Variants in TNS3 observed in about 807,000 individuals in gnomAD.
TNS3 encodes the protein tensin 3.
TNS3 carries 45 observed loss-of-function variants against 140.9 expected under a neutral mutation model. That is an observed-to-expected ratio of 0.32 (90% CI 0.25 to 0.41). TNS3 has a LOEUF of 0.41. Ranked by LOEUF, TNS3 falls within the 10% of genes least tolerant of loss-of-function variation. TNS3 has a pLI of 1.00. For missense variants in TNS3, 1,716 were observed against 1,906.7 expected (o/e 0.90, Z 1.86); for synonymous variants, 815 against 788.4 (o/e 1.03, Z -0.56).
chr7:47,284,438 C>T (rs772276991), intron 27 of TNS3, among the ~76,000 whole-genome samples: 1 of 152,200 alleles, frequency 6.6e-6, no homozygotes, highest in African/African-American at 2.4e-5. Context: ...CCCCATGCTG[C>T]CAAGGGAGAG....
intron 20 of TNS3, among the ~76,000 whole-genome samples, chr7:47,311,399 AGTGTGTGT>A (rs10617598): frequency 0.055 from 8,078 of 147,386 alleles, 552 homozygotes; most frequent in African/African-American, 0.16. Flanking sequence ...GAACTTAAAG[AGTGTGTGT>A]GTGTGTGTGT....
intron 16 of TNS3, among the ~76,000 whole-genome samples, chr7:47,386,327 C>T (rs1197525812): frequency 2.0e-5 from 3 of 152,204 alleles, no homozygotes; most frequent in Non-Finnish European, 4.4e-5. Context: ...TGGGGACGCC[C>T]TCCTCCTGTC....
chr7:47,552,649 T>C (rs576662461), intron 1 of TNS3, among the ~76,000 whole-genome samples: 2 of 152,328 alleles, frequency 1.3e-5, no homozygotes, highest in South Asian at 2.1e-4. Context: ...GCGAACTCAA[T>C]GGATAAACGT....
intron 20 of TNS3, among the ~76,000 whole-genome samples, chr7:47,338,691 G>A (rs1479957084): frequency 3.3e-5 from 5 of 152,096 alleles, no homozygotes; most frequent in African/African-American, 7.2e-5. Context: ...TTACGTCTGC[G>A]GAGTACTTCG....
At position 47,275,479 on chromosome 7, in the gene TNS3, A is replaced by C. The variant is rs566972309; in HGVS notation, c.*2597T>G. On this transcript the variant is annotated 3_prime_UTR_variant, in exon 31 of 31. Coordinates refer to ENST00000311160, the MANE Select transcript of TNS3 (RefSeq NM_022748.12). ...CGTGAACTCTCCGCATTTACTCCCC[A>C]GGGCAGTACGTGCCTGTCCAGCGGG... The C allele has an allele frequency of 1.0e-4, 27 of 269,954 alleles. No homozygotes were observed. Among genetic ancestry groups the C allele is most frequent in the African/African-American group, 5.6e-4 (25 of 44,618 alleles). 16.7% of individuals were successfully genotyped at this position (269,954 alleles called of 1,614,324 possible).
chr7:47,446,864 TG>T (rs1421842131), intron 4 of TNS3, among the ~76,000 whole-genome samples: 3 of 116,494 alleles, frequency 2.6e-5, no homozygotes, highest in Admixed American at 8.5e-5. Flanking sequence ...GGCTAATTTT[TG>T]TTTTTTTTTT....
At chr7:47,327,985 C>A (rs902115979) in intron 20 of TNS3, among the ~76,000 whole-genome samples, 2 of 152,218 alleles carry the variant, frequency 1.3e-5, no homozygotes, top group East Asian at 1.9e-4. Context: ...GCTTACCTGG[C>A]ACCCAGGACC....
intron 1 of TNS3, among the ~76,000 whole-genome samples, chr7:47,577,993 G>T (rs1215781234): frequency 6.6e-6 from 1 of 150,478 alleles, no homozygotes; most frequent in Non-Finnish European, 1.5e-5. Flanking sequence ...GGAGACAAAA[G>T]AGTAGTAGAC....
Position 47,489,416 on chromosome 7 carries a change from C to A in TNS3, c.-114-8275G>T, listed in dbSNP as rs563165382. Among the ~76,000 whole-genome samples, 124 of 152,344 alleles carry A rather than the reference C, an allele frequency of 8.1e-4. 1 individual carries two copies. The highest frequency in any genetic ancestry group is 2.9e-3 in the African/African-American group (121 of 41,586). On this transcript the variant is annotated intron_variant, in intron 3 of 30. Coordinates refer to ENST00000311160, the MANE Select transcript of TNS3 (RefSeq NM_022748.12). ...GCCTCAGTTTCCCCTTTCAATCCAA[C>A]TCTATGGAATCTAATAATTTTTAGA... is the stretch of plus-strand genomic sequence containing the variant.
At chr7:47,512,001 A>T (rs1371472344) in intron 2 of TNS3, among the ~76,000 whole-genome samples, 2 of 152,284 alleles carry the variant, frequency 1.3e-5, no homozygotes, top group Admixed American at 6.5e-5. Context: ...ACCTGTTCCC[A>T]TGGGGACCAG....
intron 4 of TNS3, among the ~76,000 whole-genome samples, chr7:47,464,475 T>C (rs1380712597): frequency 6.6e-6 from 1 of 152,012 alleles, no homozygotes; most frequent in Non-Finnish European, 1.5e-5. Context: ...CTAGGATTGC[T>C]CAAGGTGGCC....
intron 27 of TNS3, among the ~76,000 whole-genome samples, chr7:47,288,524 T>G (rs1318066697): frequency 6.6e-6 from 1 of 152,242 alleles, no homozygotes; most frequent in Non-Finnish European, 1.5e-5. Context: ...TCTCCTCAGT[T>G]GAGAGTGAGT....
At chr7:47,432,106 G>A (rs963305067) in intron 8 of TNS3, among the ~76,000 whole-genome samples, 9 of 152,100 alleles carry the variant, frequency 5.9e-5, no homozygotes, top group Non-Finnish European at 7.4e-5. Flanking sequence ...AGAAAACTTC[G>A]CTATGGTTTA....
intron 20 of TNS3, among the ~76,000 whole-genome samples, chr7:47,343,819 G>A (rs1032780946): frequency 3.9e-5 from 6 of 152,226 alleles, no homozygotes; most frequent in African/African-American, 1.4e-4. Context: ...TACATATGAA[G>A]AGAGCAATTT....
intron 20 of TNS3, among the ~76,000 whole-genome samples, chr7:47,331,712 T>G (rs1284175875): frequency 6.6e-6 from 1 of 152,254 alleles, no homozygotes; most frequent in African/African-American, 2.4e-5. Flanking sequence ...TGTGCATATA[T>G]AAGTGCATGG....
At chr7:47,546,037 ATAGAGGCAGGTGC>A (rs1213319765) in intron 1 of TNS3, among the ~76,000 whole-genome samples, 4 of 152,164 alleles carry the variant, frequency 2.6e-5, no homozygotes, top group Non-Finnish European at 4.4e-5. Context: ...AGATCTGGGG[ATAGAGGCAGGTGC>A]CCTGCTCTCC....
chr7:47,403,595 C>A (rs185685730), intron 13 of TNS3, among the ~76,000 whole-genome samples: 1 of 152,306 alleles, frequency 6.6e-6, no homozygotes, highest in African/African-American at 2.4e-5. Context: ...TATTAAACCT[C>A]TTTCCTCTTG....
chr7:47,420,248 G>C (rs1451770369), intron 10 of TNS3, among the ~76,000 whole-genome samples: 1 of 152,160 alleles, frequency 6.6e-6, no homozygotes, highest in Admixed American at 6.5e-5. Flanking sequence ...GGGCAGCAGA[G>C]GGCTCTTTCC....
At chr7:47,314,363 G>A (rs1787274962) in intron 20 of TNS3, among the ~76,000 whole-genome samples, 1 of 152,210 alleles carries the variant, frequency 6.6e-6, no homozygotes, top group Non-Finnish European at 1.5e-5. Flanking sequence ...CGGAAGAGGA[G>A]AGCGAGGCAG....
Sources: gnomAD v4.1 joint callset for allele counts (sites outside exome capture counted in the v4.1 genomes callset) on GRCh38, gnomAD v4.1.1 for gene constraint, MANE v1.5 for transcripts, NCBI Gene and HGNC (gene_info 2026-07-23, HGNC 2026-07-21) for gene names.